The following PAN3 variants were observed in gnomAD, a reference collection of about 807,000 sequenced individuals.
PAN3 encodes the protein poly(A) specific ribonuclease subunit PAN3.
In PAN3, 19 loss-of-function variants were observed where a neutral mutation model predicts 96.2. The ratio of observed to expected loss-of-function variants is 0.20; its 90% CI spans 0.14 to 0.29. The LOEUF is 0.29. Ranked by LOEUF, PAN3 falls within the 10% of genes least tolerant of loss-of-function variation. The pLI, the probability that PAN3 is intolerant of heterozygous loss-of-function variation, is 1.00. For synonymous variants in PAN3, 433 were observed against 406.6 expected (o/e 1.06, Z -0.78); for missense variants, 882 against 1,108.1 (o/e 0.80, Z 2.90).
At chr13:28,270,141 A>G (rs1886492925) in intron 12 of PAN3, among the ~76,000 whole-genome samples, 1 of 152,208 alleles carries the variant, frequency 6.6e-6, no homozygotes, top group South Asian at 2.1e-4. Context: ...TTTTCTACTG[A>G]TTTACAACAT....
chr13:28,180,967 A>G (rs1875694803), intron 4 of PAN3, among the ~76,000 whole-genome samples: 1 of 152,170 alleles, frequency 6.6e-6, no homozygotes, highest in Non-Finnish European at 1.5e-5. Context: ...GATGATTGCT[A>G]GGTAGCAAAG....
chr13:28,293,397 T>G lies in PAN3; in HGVS notation c.*875T>G, dbSNP rs866858300. 27 of 136,316 alleles carry G rather than the reference T, an allele frequency of 2.0e-4. No individual in the cohort carries two copies. The highest frequency in any genetic ancestry group is 7.7e-4 in the African/African-American group (26 of 33,948). The allele number at this position is 136,316 out of a possible 1,614,324, so 8.4% of individuals were successfully genotyped here. A position where few individuals can be genotyped will look rare whatever the true frequency, so the allele number is the denominator to read the frequency against. On this transcript the variant is annotated 3_prime_UTR_variant, in exon 19 of 19. Coordinates refer to ENST00000380958, the MANE Select transcript of PAN3 (RefSeq NM_175854.8). Reference sequence around the variant, plus strand: ...CTTTCCAGTTTGCTGGTTTTTTTTTTTTTTTTTTTTTTTTTTTTTGGGCGG... The same window carrying G: ...CTTTCCAGTTTGCTGGTTTTTTTTTGTTTTTTTTTTTTTTTTTTTGGGCGG...
chr13:28,277,138 T>C (rs1887129625), intron 14 of PAN3, 99 bp from the exon 15 acceptor site: 2 of 1,237,258 alleles, frequency 1.6e-6, no homozygotes. Flanking sequence ...CTGCAGCTTA[T>C]TTATAATGAT....
At position 28,280,487 on chromosome 13, in the gene PAN3, T is replaced by C; in HGVS notation, c.2265T>C (p.Thr755=). The change falls in exon 16 of 19, where the codon ACT becomes ACC. Residue 755 remains threonine (T), a synonymous_variant. Coordinates refer to ENST00000380958, the MANE Select transcript of PAN3 (RefSeq NM_175854.8). ...CCATGATTGGTGCTCGATTTTATAC[T>C]CAATTGGATGCTGCTCAAATGAGAA... ...IMPMIGARFY[T]QLDAAQMRND... is the part of the protein sequence containing the mutation. 1.2e-6 allele frequency: 2 copies of C among 1,613,232 alleles called. No homozygotes were observed. Among genetic ancestry groups the C allele is most frequent in the Non-Finnish European group, 1.7e-6 (2 of 1,179,724 alleles).
chr13:28,202,052 AT>A (rs141424970), intron 5 of PAN3, among the ~76,000 whole-genome samples: 4,872 of 147,374 alleles, frequency 0.033, 250 homozygotes, highest in African/African-American at 0.11. Flanking sequence ...TCTACCTCTT[AT>A]TTTTTTTTTC....
intron 1 of PAN3, among the ~76,000 whole-genome samples, chr13:28,166,026 G>C (rs1030014365): frequency 6.6e-6 from 1 of 152,102 alleles, no homozygotes; most frequent in Non-Finnish European, 1.5e-5. Context: ...ATTCTGCCCC[G>C]ATCCCTTAAA....
At chr13:28,288,828 ATTT>A (rs756889416) in intron 18 of PAN3, among the ~76,000 whole-genome samples, 2 of 123,732 alleles carry the variant, frequency 1.6e-5, no homozygotes, top group Admixed American at 8.9e-5. Flanking sequence ...TTAACTATAG[ATTT>A]TTTTTTTTTT....
intron 1 of PAN3, among the ~76,000 whole-genome samples, chr13:28,142,822 G>C (rs1870045038): frequency 6.6e-6 from 1 of 152,204 alleles, no homozygotes; most frequent in Non-Finnish European, 1.5e-5. Context: ...TAGAGCTGTT[G>C]ATAGAGCATA....
Position 28,292,540 on chromosome 13 carries a change from C to T in PAN3, c.*18C>T, listed in dbSNP as rs374006385. ...AGTTGTAGTATTTGCTAAAAAAGCA[C>T]GCAGGACATGGCTAAAGACCTTAAC... On this transcript the variant is annotated 3_prime_UTR_variant, in exon 19 of 19. Coordinates refer to ENST00000380958, the MANE Select transcript of PAN3 (RefSeq NM_175854.8). 47 of 1,598,630 alleles carry T rather than the reference C, an allele frequency of 2.9e-5. No individual in the cohort carries two copies. The highest frequency in any genetic ancestry group is 3.4e-5 in the South Asian group (3 of 87,562).
chr13:28,250,555 C>T lies in PAN3; in HGVS notation c.1001-5737C>T, dbSNP rs533796836. 1.3e-4 allele frequency among the ~76,000 whole-genome samples: 20 copies of T among 152,196 alleles called. No homozygotes were observed. In the South Asian group the frequency reaches 2.5e-3, roughly 19 times the overall value. ...CTAATTTTTGTATTTTTAGTAGACA[C>T]GGGGTTTCAGCATGTTGGCCAGGCT... is the stretch of plus-strand genomic sequence containing the variant. On this transcript the variant is annotated intron_variant, in intron 6 of 18. Transcript: ENST00000380958.
At chr13:28,281,254 T>C in intron 16 of PAN3, 61 bp from the exon 17 acceptor site, 1 of 1,348,400 alleles carries the variant, frequency 7.4e-7, no homozygotes, top group African/African-American at 1.4e-5. Context: ...TTGTAAATTT[T>C]GGCTTTTATG....
At chr13:28,208,438 G>T (rs1300155035) in intron 5 of PAN3, among the ~76,000 whole-genome samples, 1 of 152,066 alleles carries the variant, frequency 6.6e-6, no homozygotes, top group Admixed American at 6.6e-5. Context: ...ACTGTTATTG[G>T]AGCACTTTTA....
chr13:28,232,009 T>C (rs1882614517), intron 6 of PAN3, among the ~76,000 whole-genome samples: 1 of 152,206 alleles, frequency 6.6e-6, no homozygotes, highest in Non-Finnish European at 1.5e-5. Context: ...TTCATGGTGT[T>C]ATAATTGAAA....
At chr13:28,251,823 C>G (rs1884750505) in intron 6 of PAN3, among the ~76,000 whole-genome samples, 2 of 152,112 alleles carry the variant, frequency 1.3e-5, no homozygotes, top group South Asian at 4.1e-4. Context: ...CCAAACTCCA[C>G]GACATAACCT....
chr13:28,249,952 G>C (rs947228956), intron 6 of PAN3, among the ~76,000 whole-genome samples: 2 of 152,188 alleles, frequency 1.3e-5, no homozygotes, highest in East Asian at 1.9e-4. Context: ...TCACCATGGA[G>C]ATGCTAGTGA....
intron 1 of PAN3, among the ~76,000 whole-genome samples, chr13:28,142,068 G>A (rs1869925904): frequency 6.6e-6 from 1 of 152,206 alleles, no homozygotes; most frequent in African/African-American, 2.4e-5. Context: ...TCTGGCTGAA[G>A]CCTAAGGCTC....
chr13:28,198,872 C>T (rs1481957551), intron 5 of PAN3, among the ~76,000 whole-genome samples: 1 of 152,134 alleles, frequency 6.6e-6, no homozygotes, highest in Non-Finnish European at 1.5e-5. Context: ...ATTACTGATA[C>T]ATGAGTAGTA....
At chr13:28,140,736 A>G (rs941274751) in intron 1 of PAN3, among the ~76,000 whole-genome samples, 5 of 151,928 alleles carry the variant, frequency 3.3e-5, no homozygotes, top group Non-Finnish European at 5.9e-5. Context: ...TTTTTCTTTT[A>G]TAGAAGTGTT....
At chr13:28,260,840 AT>A (rs1885655975) in intron 8 of PAN3, among the ~76,000 whole-genome samples, 1 of 152,222 alleles carries the variant, frequency 6.6e-6, no homozygotes, top group South Asian at 2.1e-4. Context: ...TATATAAATA[AT>A]TTAAATGGTT....
Sources: allele counts gnomAD v4.1 joint callset (sites outside exome capture counted in the v4.1 genomes callset), GRCh38; gene constraint gnomAD v4.1.1; transcripts MANE v1.5; gene names NCBI Gene and HGNC (gene_info 2026-07-23, HGNC 2026-07-21).